The following SELENBP1 variants were observed in gnomAD, a reference collection of about 807,000 sequenced individuals.
The protein encoded by SELENBP1 is selenium binding protein 1.
A neutral mutation model predicts 61.0 loss-of-function variants in SELENBP1; 71 were observed. The ratio of observed to expected loss-of-function variants is 1.16; its 90% confidence interval spans 0.96 to 1.42. The LOEUF (loss-of-function observed/expected upper bound fraction) is 1.42. Ranked by LOEUF, SELENBP1 falls within the 40% of genes most tolerant of loss-of-function variation. The pLI is 0.00. For synonymous variants in SELENBP1, 270 were observed against 238.9 expected, an observed-to-expected ratio of 1.13 and a Z score of -1.20; for missense variants, 561 against 605.0, an observed-to-expected ratio of 0.93 and a Z score of 0.76.
At chr1:151,365,405 G>A (rs891832688) in intron 9 of SELENBP1, 124 bp from the exon 10 acceptor site, 4 of 1,465,286 alleles carry the variant, frequency 2.7e-6, no homozygotes, top group African/African-American at 1.4e-5. Context: ...CCCATCCCTG[G>A]CCTGGACAGT....
rs367892139 is a variant in SELENBP1, at chr1:151,366,358, G to A, written c.760C>T (p.Arg254Cys). 1.8e-5 allele frequency: 29 copies of A among 1,614,168 alleles called. No individual in the cohort carries two copies. Among genetic ancestry groups the A allele is most frequent in the African/African-American group, 8.0e-5 (6 of 75,048 alleles). Residue 254 changes from arginine to cysteine, a missense_variant, in exon 7 of 12, where the codon CGC becomes TGC. Transcript: ENST00000368868. ...GCAGCGTCTGGGTTGTGCAGGAAGC[G>A]GATCTCCAAGGGAATAAGCCCATCT... Reference protein sequence around the residue: ...LKDGLIPLEIRFLHNPDAAQG... With the variant: ...LKDGLIPLEICFLHNPDAAQG...
At chr1:151,369,251 C>CA (rs1652024595) in intron 3 of SELENBP1, 62 bp from the exon 4 acceptor site, 13 of 1,502,822 alleles carry the variant, frequency 8.7e-6, no homozygotes, top group Middle Eastern at 2.1e-4. Context: ...TTGGAAGAGG[C>CA]GCCCTGTGGA....
At chr1:151,367,671 G>A (rs1454566249) in intron 5 of SELENBP1, among the ~76,000 whole-genome samples, 1 of 152,200 alleles carries the variant, frequency 6.6e-6, no homozygotes, top group Non-Finnish European at 1.5e-5. Context: ...CGCCCAAGCT[G>A]AAGTGCTGTG....
chr1:151,366,561 G>T (rs1039886760), intron 6 of SELENBP1, 108 bp from the exon 7 acceptor site: 23 of 1,426,236 alleles, frequency 1.6e-5, no homozygotes, highest in Non-Finnish European at 2.0e-5. Context: ...GGATTGGAGG[G>T]ATCAGGAAGA....
intron 10 of SELENBP1, 60 bp downstream of exon 10, chr1:151,365,129 C>A: frequency 6.3e-7 from 1 of 1,586,784 alleles, no homozygotes; most frequent in East Asian, 2.2e-5. Context: ...CAGCTGCTCC[C>A]CCACATATTC....
intron 1 of SELENBP1, 114 bp downstream of exon 1, chr1:151,372,524 C>G: frequency 7.5e-7 from 1 of 1,329,536 alleles, no homozygotes; most frequent in Non-Finnish European, 1.1e-6. Flanking sequence ...AAGCAGAGTC[C>G]ACTACTCCCT....
rs537359680 is a variant in SELENBP1 at position 151,365,241 on chromosome 1, T to C, written c.1085A>G (p.Gln362Arg). The C allele has an allele frequency of 6.1e-5, 99 of 1,613,596 alleles. 1 individual carries two copies. In the South Asian group the frequency reaches 1.1e-3, roughly 17 times the overall value. The change falls in exon 10 of 12, where the codon CAA becomes CGA. Residue 362 changes from glutamine (Q) to arginine (R), a missense_variant. By Grantham distance (43) the Gln-to-Arg change is conservative. Coordinates refer to ENST00000368868, the MANE Select transcript of SELENBP1 (RefSeq NM_003944.4). ...CTTTAGTTCCTCGTCCTCCAGCACT[T>C]GCACAGGGCCTCCCTTAACAATGCT... Reference protein sequence around the residue: ...GGSIVKGGPVQVLEDEELKSQ... With the variant: ...GGSIVKGGPVRVLEDEELKSQ...
At chr1:151,366,676 G>T in intron 6 of SELENBP1, 46 bp downstream of exon 6, 1 of 1,595,032 alleles carries the variant, frequency 6.3e-7, no homozygotes, top group South Asian at 1.1e-5. Context: ...AGAAAGCAAG[G>T]GGATGTAGGC....
chr1:151,366,337 C>A lies in SELENBP1; in HGVS notation c.781G>T (p.Ala261Ser), dbSNP rs371729900. 5 of 1,614,022 alleles carry A rather than the reference C, an allele frequency of 3.1e-6. No individual in the cohort carries two copies. Among genetic ancestry groups the A allele is most frequent in the South Asian group, 2.2e-5 (2 of 91,086 alleles). ...GCGCAGCCCACAAAGCCTTGGGCAG[C>A]GTCTGGGTTGTGCAGGAAGCGGATC... ...LEIRFLHNPD[A>S]AQGFVGCALS... Residue 261 changes from alanine (A) to serine (S), a missense_variant, in exon 7 of 12, where the codon GCT becomes TCT. Physicochemically the swap from Ala to Ser is moderately conservative, Grantham distance 99 (BLOSUM62 1). Transcript: ENST00000368868.
rs369931034 is a variant in SELENBP1, at chr1:151,369,467, T to C, written c.149A>G (p.Asp50Gly). The C allele has an allele frequency of 1.2e-6, 2 of 1,612,738 alleles. No individual in the cohort carries two copies. The highest frequency in any genetic ancestry group is 2.7e-5 in the African/African-American group (2 of 74,902). Residue 50 changes from aspartate to glycine, a missense_variant, in exon 3 of 12, where the codon GAC becomes GGC. Asp to Gly is a moderately conservative substitution (Grantham distance 94). Transcript: ENST00000368868. ...CTGGCAATACTGGGGAGACTTGGGG[T>C]CAACATCCACAGTGGCCAGATAATC... ...APDYLATVDV[D>G]PKSPQYCQVI...
chr1:151,364,773 G>A, intron 11 of SELENBP1, 68 bp from the exon 12 acceptor site: 1 of 1,526,508 alleles, frequency 6.6e-7, no homozygotes, highest in Non-Finnish European at 8.8e-7. Flanking sequence ...AAGATTTTAG[G>A]GGAAAGCTCC....
rs372056164 is a variant in SELENBP1, at chr1:151,369,201, G to A, written c.175-12C>T. ...AGCCGGTGGATGACCTAGGATGCGG[G>A]GAGAGGTGGTGCTCCCCCAGGCCAC... On this transcript the variant is annotated splice_polypyrimidine_tract_variant and intron_variant, in intron 3 of 11. Transcript: ENST00000368868. 8 of 1,603,374 alleles carry A rather than the reference G, an allele frequency of 5.0e-6. No homozygotes were observed. In the African/African-American group the frequency reaches 8.0e-5, roughly 16 times the overall value.
At chr1:151,370,070 G>T (rs986385669) in intron 1 of SELENBP1, 13 of 1,295,590 alleles carry the variant, frequency 1.0e-5, no homozygotes, top group Non-Finnish European at 1.2e-5. Flanking sequence ...ATATGACACG[G>T]ACTCGGGGCC....
chr1:151,368,999 C>T lies in SELENBP1; in HGVS notation c.360+5G>A. 1 of 1,606,114 alleles carries T rather than the reference C, an allele frequency of 6.2e-7. No individual in the cohort carries two copies. On this transcript the variant is annotated splice_donor_5th_base_variant and intron_variant, in intron 4 of 11. Transcript: ENST00000368868. ...CTACTGAGCTGGCAAGGGCAGAGGACATGCCTTGTGCAGCTTTGGGGCCCG... is the reference window on the plus strand; with the variant it reads ...CTACTGAGCTGGCAAGGGCAGAGGATATGCCTTGTGCAGCTTTGGGGCCCG...
rs769279661 is a variant in SELENBP1, at chr1:151,365,569, T to A, written c.1038A>T (p.Thr346=). The part of the protein sequence containing the change: ...DISDPQRPRL[T]GQLFLGGSIV... ...CTCCTGCCAGGGTCTCCACCTGTCC[T>A]GTGAGGCGGGGTCTCTGTGGGTCAG... The change falls in exon 9 of 12, where the codon ACA becomes ACT. Residue 346 remains threonine, a synonymous_variant. Coordinates refer to ENST00000368868, the MANE Select transcript of SELENBP1 (RefSeq NM_003944.4). 1.2e-6 allele frequency: 2 copies of A among 1,614,028 alleles called. No homozygotes were observed.
chr1:151,366,812 A>G lies in SELENBP1; in HGVS notation c.574T>C (p.Tyr192His), dbSNP rs752963133. The stretch of plus-strand genomic sequence containing the variant: ...ATCATGACATTGTGTCGAGGCTGGT[A>G]CCAGAAGTCATAGCCCAACGGTGCA... ...GAAPLGYDFW[Y>H]QPRHNVMIST... Residue 192 changes from tyrosine to histidine, a missense_variant, in exon 6 of 12, where the codon TAC (tyrosine) becomes CAC (histidine). Tyr to His is a moderately conservative substitution (Grantham distance 83, BLOSUM62 2). Coordinates refer to ENST00000368868, the MANE Select transcript of SELENBP1 (RefSeq NM_003944.4). 3.7e-6 allele frequency: 6 copies of G among 1,614,022 alleles called. No individual in the cohort carries two copies. The highest frequency in any genetic ancestry group is 1.7e-5 in the Admixed American group (1 of 59,992).
rs1242782790 is a variant in SELENBP1, at chr1:151,369,571, A to G, written c.62-17T>C. 3 of 1,594,080 alleles carry G rather than the reference A, an allele frequency of 1.9e-6. No individual in the cohort carries two copies. The highest frequency in any genetic ancestry group is 3.6e-5 in the Admixed American group (2 of 55,884). On this transcript the variant is annotated splice_polypyrimidine_tract_variant and intron_variant, in intron 2 of 11. Coordinates refer to ENST00000368868, the MANE Select transcript of SELENBP1 (RefSeq NM_003944.4). ...CCCTGGGTCCTGCACGGTAGAAAGC[A>G]GGCAGCAGGGACGGCAGGGTGGGAA...
intron 1 of SELENBP1, 33 bp downstream of exon 1, chr1:151,372,605 A>G: frequency 1.2e-6 from 2 of 1,614,056 alleles, no homozygotes; most frequent in Non-Finnish European, 1.7e-6. Context: ...CAGACAGAGC[A>G]GGCAATGGGT....
At chr1:151,365,471 A>G in intron 9 of SELENBP1, 92 bp downstream of exon 9, 1 of 1,589,344 alleles carries the variant, frequency 6.3e-7, no homozygotes, top group Non-Finnish European at 8.6e-7. Context: ...ACCTCCCTCA[A>G]CATCCTGCAG....
Sources: gnomAD v4.1 joint callset for allele counts (sites outside exome capture counted in the v4.1 genomes callset) on GRCh38, gnomAD v4.1.1 for gene constraint, MANE v1.5 for transcripts, NCBI Gene and HGNC (gene_info 2026-07-23, HGNC 2026-07-21) for gene names.